The following ZNF25 variants were observed in gnomAD, a reference collection of about 807,000 sequenced individuals.
ZNF25 encodes zinc finger protein 25.
A neutral mutation model predicts 30.9 loss-of-function variants in ZNF25; 21 were observed. The ratio of observed to expected loss-of-function variants is 0.68; its 90% CI spans 0.48 to 0.98. The LOEUF (loss-of-function observed/expected upper bound fraction) is 0.98, where lower values mean the gene tolerates loss of function less well. ZNF25 is among the 50% of genes least tolerant of loss of function. The pLI is 0.00. For synonymous variants in ZNF25, 169 were observed against 181.3 expected (o/e 0.93, Z 0.55); for missense variants, 501 against 529.9 (o/e 0.95, Z 0.54).
At chr10:37,958,636 G>A (rs1469727459) in intron 2 of ZNF25, among the ~76,000 whole-genome samples, 1 of 152,128 alleles carries the variant, frequency 6.6e-6, no homozygotes, top group Non-Finnish European at 1.5e-5. Flanking sequence ...TAAGAATTAA[G>A]GAGGTGGGTG....
At chr10:37,965,739 AGCTGG>A (rs1334142598) in intron 2 of ZNF25, among the ~76,000 whole-genome samples, 1 of 152,198 alleles carries the variant, frequency 6.6e-6, no homozygotes, top group East Asian at 1.9e-4. Flanking sequence ...TACATAGAAA[AGCTGG>A]TATTGTGATA....
At chr10:37,971,829 C>A in intron 1 of ZNF25, 22 bp from the exon 2 acceptor site, 1 of 1,484,860 alleles carries the variant, frequency 6.7e-7, no homozygotes, top group Non-Finnish European at 9.4e-7. Flanking sequence ...TTCCATACAA[C>A]ATTTTAGTAA....
At position 37,952,904 on chromosome 10, in the gene ZNF25, T is replaced by C; in HGVS notation, c.594A>G (p.Gly198=). The change falls in exon 6 of 6, where the codon GGA becomes GGG. Residue 198 remains glycine (G), a synonymous_variant. Transcript: ENST00000302609. ...ACTGATTACATTCATAGGGTTTCTCTCCTGCATGGGTTCTCAGATGTCTAC... is the reference window on the plus strand; with the variant it reads ...ACTGATTACATTCATAGGGTTTCTCCCCTGCATGGGTTCTCAGATGTCTAC... ...SLSRHLRTHA[G]EKPYECNQCE... The C allele has an allele frequency of 6.2e-7, 1 of 1,614,182 alleles. No homozygotes were observed. The highest frequency in any genetic ancestry group is 8.5e-7 in the Non-Finnish European group (1 of 1,180,024).
intron 4 of ZNF25, among the ~76,000 whole-genome samples, chr10:37,956,639 G>A (rs559378221): frequency 1.1e-4 from 17 of 152,144 alleles, no homozygotes; most frequent in South Asian, 4.2e-4. Flanking sequence ...TGCTGAGGCC[G>A]GGCACGGTGA....
At chr10:37,962,665 T>C (rs1454926951) in intron 2 of ZNF25, among the ~76,000 whole-genome samples, 1 of 152,100 alleles carries the variant, frequency 6.6e-6, no homozygotes, top group Non-Finnish European at 1.5e-5. Flanking sequence ...GATAAACCTA[T>C]ATCCAGAATG....
At chr10:37,967,893 C>A (rs1356001404) in intron 2 of ZNF25, 1 of 152,146 alleles carries the variant, frequency 6.6e-6, no homozygotes, top group Non-Finnish European at 1.5e-5. Flanking sequence ...ACATGTAGAA[C>A]TCTTAGAAGA....
chr10:37,957,256 G>A (rs865999303), intron 3 of ZNF25, 141 bp from the exon 4 acceptor site: 1 of 1,243,256 alleles, frequency 8.0e-7, no homozygotes, highest in Non-Finnish European at 1.1e-6. Flanking sequence ...CGGGGAGAGA[G>A]GGACACAAAT....
chr10:37,963,091 CT>C (rs1473001734), intron 2 of ZNF25, among the ~76,000 whole-genome samples: 25 of 148,882 alleles, frequency 1.7e-4, no homozygotes, highest in Middle Eastern at 3.4e-3. Flanking sequence ...CAGTGGAGTA[CT>C]TTTTTTTTCT....
intron 2 of ZNF25, among the ~76,000 whole-genome samples, chr10:37,959,696 G>A (rs950754029): frequency 2.6e-5 from 4 of 151,558 alleles, no homozygotes; most frequent in African/African-American, 4.9e-5. Flanking sequence ...TGCAACCTCC[G>A]CCTCCCAGGT....
At chr10:37,954,164 C>T (rs192555489) in intron 4 of ZNF25, among the ~76,000 whole-genome samples, 100 of 152,244 alleles carry the variant, frequency 6.6e-4, no homozygotes, top group African/African-American at 2.2e-3. Flanking sequence ...AACAGTGTCC[C>T]CTGGAATACA....
In ZNF25 at chr10:37,952,635, C is replaced by G. The variant is rs1478624204; in HGVS notation, c.863G>C (p.Cys288Ser). The G allele has an allele frequency of 6.2e-7, 1 of 1,613,880 alleles. No individual in the cohort carries two copies. The highest frequency in any genetic ancestry group is 1.1e-5 in the South Asian group (1 of 91,068). The change falls in exon 6 of 6, where the codon TGT becomes TCT. Residue 288 changes from cysteine (C) to serine (S), a missense_variant. Physicochemically the swap from Cys to Ser is moderately radical, Grantham distance 112. Transcript: ENST00000302609. ...AGAGAAGAATTTCCCACATTCCTTA[C>G]ATTTATAGGGTTTCTCCCCTGTGTG... ...RMHTGEKPYK[C>S]KECGKFFSRN...
intron 2 of ZNF25, among the ~76,000 whole-genome samples, chr10:37,962,154 T>C (rs1002893442): frequency 1.3e-5 from 2 of 151,512 alleles, no homozygotes; most frequent in South Asian, 2.1e-4. Context: ...AGGCAGAGAA[T>C]TGCTTGAATC....
Position 37,951,536 on chromosome 10 carries a change from C to T in ZNF25, c.*591G>A, listed in dbSNP as rs1458623911. On this transcript the variant is annotated 3_prime_UTR_variant, in exon 6 of 6. Transcript: ENST00000302609. The stretch of plus-strand genomic sequence containing the variant: ...CATGATTTGTAGTATAACTGTTTCC[C>T]TCAGTACAAATTATTTGAATTTTTA... The T allele has an allele frequency of 6.6e-6, 1 of 152,174 alleles. No homozygotes were observed. Among genetic ancestry groups the T allele is most frequent in the African/African-American group, 2.4e-5 (1 of 41,444 alleles). 9.4% of individuals were successfully genotyped at this position (152,174 alleles called of 1,614,324 possible). A position where few individuals can be genotyped will look rare whatever the true frequency, so the allele number is the denominator to read the frequency against.
At chr10:37,966,566 C>T (rs1011173191) in intron 2 of ZNF25, among the ~76,000 whole-genome samples, 11 of 152,116 alleles carry the variant, frequency 7.2e-5, no homozygotes, top group African/African-American at 2.7e-4. Flanking sequence ...GAAGTTGGCA[C>T]ATCTTCACAT....
In ZNF25 at chr10:37,954,831, G is replaced by A. The variant is rs57060970; in HGVS notation, c.239-1073C>T. On this transcript the variant is annotated intron_variant, in intron 4 of 5. Transcript: ENST00000302609. ...AAAGTCACTTCATAGTGACTTATGC[G>A]ACGTTAACTCAGGAACACATGAAAT... Among the ~76,000 whole-genome samples, 397 of 152,244 alleles carry A rather than the reference G, an allele frequency of 2.6e-3. 2 individuals carry two copies. The highest frequency in any genetic ancestry group is 8.9e-3 in the African/African-American group (370 of 41,544).
chr10:37,952,819 C>T lies in ZNF25; in HGVS notation c.679G>A (p.Glu227Lys). Reference protein sequence around the residue: ...LTEHQKTHTGEKPFECTECGK... With the variant: ...LTEHQKTHTGKKPFECTECGK... ...CATTCAGTACATTCAAAAGGTTTCT[C>T]CCCTGTGTGTGTTTTCTGATGTTCT... Residue 227 changes from glutamate to lysine, a missense_variant, in exon 6 of 6, where the codon GAG (glutamate) becomes AAG (lysine). By Grantham distance (56) the Glu-to-Lys change is moderately conservative. Transcript: ENST00000302609. 6.2e-7 allele frequency: 1 copy of T among 1,614,130 alleles called. No homozygotes were observed. Among genetic ancestry groups the T allele is most frequent in the East Asian group, 2.2e-5 (1 of 44,868 alleles).
intron 2 of ZNF25, among the ~76,000 whole-genome samples, chr10:37,960,485 G>A (rs541737187): frequency 2.9e-4 from 44 of 151,158 alleles, no homozygotes; most frequent in African/African-American, 9.4e-4. Context: ...TTAGCCGGGC[G>A]TGGTGATGGG....
chr10:37,953,069 G>T lies in ZNF25; in HGVS notation c.429C>A (p.Gly143=), dbSNP rs377026336. 1.2e-6 allele frequency: 2 copies of T among 1,613,582 alleles called. No homozygotes were observed. Among genetic ancestry groups the T allele is most frequent in the Non-Finnish European group, 8.5e-7 (1 of 1,179,920 alleles). Residue 143 remains glycine (G), a synonymous_variant, in exon 6 of 6, where the codon GGC becomes GGA. Coordinates refer to ENST00000302609, the MANE Select transcript of ZNF25 (RefSeq NM_145011.4). The stretch of plus-strand genomic sequence containing the variant: ...CACATTTATCACAGTCATAGGATTT[G>T]CCCTTTGAGTGAGTATGCTGATGTA... ...LIVHQHTHSK[G]KSYDCDKCGK... is the part of the protein sequence containing the mutation.
chr10:37,965,685 C>T (rs2063142372), intron 2 of ZNF25, among the ~76,000 whole-genome samples: 3 of 152,050 alleles, frequency 2.0e-5, no homozygotes, highest in Admixed American at 1.3e-4. Context: ...CAATTCAAGG[C>T]CATTTGAAGC....
Sources: gnomAD v4.1 joint callset for allele counts (sites outside exome capture counted in the v4.1 genomes callset) on GRCh38, gnomAD v4.1.1 for gene constraint, MANE v1.5 for transcripts, NCBI Gene and HGNC (gene_info 2026-07-23, HGNC 2026-07-21) for gene names.